IFT74: variants seen among roughly 807,000 people sequenced by gnomAD.
IFT74 encodes the protein intraflagellar transport 74.
IFT74 carries 92 observed loss-of-function variants against 96.7 expected under a neutral mutation model. That is an observed-to-expected ratio of 0.95 (90% CI 0.80 to 1.13). The LOEUF (loss-of-function observed/expected upper bound fraction) is 1.13, where lower values mean the gene tolerates loss of function less well. Among genes scored for constraint, IFT74 ranks in the 50% most tolerant of loss-of-function variants. The pLI is 0.00. For synonymous variants in IFT74, 223 were observed against 213.2 expected, an observed-to-expected ratio of 1.05 and a Z score of -0.40; for missense variants, 811 against 698.2, an observed-to-expected ratio of 1.16 and a Z score of -1.82.
chr9:27,050,880 A>G (rs1195517185), intron 16 of IFT74, among the ~76,000 whole-genome samples: 1 of 152,076 alleles, frequency 6.6e-6, no homozygotes, highest in African/African-American at 2.4e-5. Context: ...AACTTAAAGT[A>G]TAATAATATA....
upstream of IFT74, among the ~76,000 whole-genome samples, chr9:26,952,280 CT>C (rs201440207): frequency 7.0e-3 from 994 of 141,554 alleles, 2 homozygotes; most frequent in East Asian, 0.01. Context: ...TTTTTTTAAC[CT>C]TTTTTTTTTT....
At chr9:26,988,834 G>T in intron 7 of IFT74, 106 bp downstream of exon 7, 1 of 1,037,798 alleles carries the variant, frequency 9.6e-7, no homozygotes, top group East Asian at 3.0e-5. Flanking sequence ...CTATAGAGGT[G>T]AATATTACTC....
At chr9:26,975,020 G>C (rs1827048653) in intron 2 of IFT74, among the ~76,000 whole-genome samples, 1 of 152,114 alleles carries the variant, frequency 6.6e-6, no homozygotes, top group Non-Finnish European at 1.5e-5. Flanking sequence ...TTCAGGGAGG[G>C]GTACTTAATA....
chr9:26,996,418 C>T (rs1828159368), intron 8 of IFT74: 1 of 1,608,916 alleles, frequency 6.2e-7, no homozygotes, highest in Non-Finnish European at 8.5e-7. Flanking sequence ...TTTTGAGTGG[C>T]ATTCAGCCTT....
At position 27,064,746 on chromosome 9, in the gene IFT74, T is replaced by G. The variant is rs986790146; in HGVS notation, c.*2010T>G. Reference sequence around the variant, plus strand: ...TAAATGCCTTTACTTTTTCCTTAGGTTTTTTTTTATGATTTCTACTTAAGT... The same window carrying G: ...TAAATGCCTTTACTTTTTCCTTAGGGTTTTTTTTATGATTTCTACTTAAGT... On this transcript the variant is annotated 3_prime_UTR_variant, in exon 20 of 20. Transcript: ENST00000380062. Among the ~76,000 whole-genome samples the G allele has an allele frequency of 1.3e-5, 2 of 151,212 alleles. No individual in the cohort carries two copies. The highest frequency in any genetic ancestry group is 3.0e-5 in the Non-Finnish European group (2 of 67,776).
intron 8 of IFT74, among the ~76,000 whole-genome samples, chr9:26,991,911 C>T (rs1587301466): frequency 1.3e-5 from 2 of 152,154 alleles, no homozygotes; most frequent in South Asian, 4.1e-4. Context: ...GGCTTGTAGT[C>T]CCAGCTACTC....
chr9:26,977,080 A>C (rs1375820644), intron 2 of IFT74, among the ~76,000 whole-genome samples: 1 of 152,232 alleles, frequency 6.6e-6, no homozygotes. Flanking sequence ...AAAATCAACT[A>C]TAATATCATT....
chr9:26,959,490 G>T (rs1006914762), intron 1 of IFT74, among the ~76,000 whole-genome samples: 5 of 152,152 alleles, frequency 3.3e-5, no homozygotes, highest in African/African-American at 1.2e-4. Context: ...GCAGGATCAA[G>T]AAATAAGTTT....
At chr9:26,948,400 C>A (rs1201311935) in intron 1 of IFT74, among the ~76,000 whole-genome samples, 1 of 142,560 alleles carries the variant, frequency 7.0e-6, no homozygotes, top group Non-Finnish European at 1.5e-5. Flanking sequence ...CTGAAATATA[C>A]ACTTAATTGT....
chr9:27,029,957 C>G (rs2131644444), intron 13 of IFT74, among the ~76,000 whole-genome samples: 1 of 152,100 alleles, frequency 6.6e-6, no homozygotes, highest in East Asian at 1.9e-4. Flanking sequence ...ATTTGAAGAA[C>G]TAATGCAGGT....
At chr9:27,059,000 C>G (rs1398512021) in intron 18 of IFT74, among the ~76,000 whole-genome samples, 1 of 151,866 alleles carries the variant, frequency 6.6e-6, no homozygotes, top group African/African-American at 2.4e-5. Flanking sequence ...GAAAAAAATA[C>G]TGATACTTCT....
chr9:26,957,987 T>A (rs1826193093), intron 1 of IFT74, among the ~76,000 whole-genome samples: 1 of 152,110 alleles, frequency 6.6e-6, no homozygotes, highest in Non-Finnish European at 1.5e-5. Context: ...TCTCCTGATC[T>A]CGTGATCCAC....
At chr9:27,008,959 A>G in intron 8 of IFT74, 61 bp from the exon 9 acceptor site, 1 of 1,342,518 alleles carries the variant, frequency 7.4e-7, no homozygotes, top group Middle Eastern at 2.5e-4. Context: ...GACTTGTATA[A>G]AATAATTGGA....
intron 7 of IFT74, among the ~76,000 whole-genome samples, chr9:26,989,328 G>A (rs921481629): frequency 1.3e-5 from 2 of 152,038 alleles, no homozygotes; most frequent in Non-Finnish European, 2.9e-5. Flanking sequence ...ATATATCCAT[G>A]CAACAAACCT....
At chr9:26,967,533 T>C (rs184032691) in intron 2 of IFT74, among the ~76,000 whole-genome samples, 7 of 152,324 alleles carry the variant, frequency 4.6e-5, no homozygotes, top group Non-Finnish European at 7.4e-5. Context: ...TCATATCATC[T>C]GCAAACAGAG....
At chr9:26,978,008 A>C in intron 2 of IFT74, 120 bp from the exon 3 acceptor site, 1 of 757,982 alleles carries the variant, frequency 1.3e-6, no homozygotes, top group East Asian at 3.0e-5. Context: ...AAAAATAAGG[A>C]AATTTTTACA....
At chr9:27,020,776 T>G (rs1425921787) in intron 12 of IFT74, among the ~76,000 whole-genome samples, 2 of 152,106 alleles carry the variant, frequency 1.3e-5, no homozygotes, top group Non-Finnish European at 2.9e-5. Context: ...GCCTGGCCTA[T>G]CTTTTTTACT....
chr9:26,972,346 C>T (rs1307348871), intron 2 of IFT74, among the ~76,000 whole-genome samples: 1 of 152,112 alleles, frequency 6.6e-6, no homozygotes, highest in Non-Finnish European at 1.5e-5. Flanking sequence ...TTTCTTCAAC[C>T]AACACTGCTC....
intron 6 of IFT74, among the ~76,000 whole-genome samples, chr9:26,988,233 T>TGAGCCACCGAGCCCGGCTTACTAGTGTA (rs1194509903): frequency 4.6e-5 from 7 of 152,210 alleles, no homozygotes; most frequent in Non-Finnish European, 1.0e-4. Flanking sequence ...ATTACAGGCC[T>TGAGCCACCGAGCCCGGCTTACTAGTGTA]GAGCCACCGA....
Sources: gnomAD v4.1 joint callset for allele counts (sites outside exome capture counted in the v4.1 genomes callset) on GRCh38, gnomAD v4.1.1 for gene constraint, MANE v1.5 for transcripts, NCBI Gene and HGNC (gene_info 2026-07-23, HGNC 2026-07-21) for gene names.